Variants in THADA observed in about 807,000 individuals in gnomAD.
THADA encodes the protein THADA armadillo repeat containing, also known as tRNA (32-2'-O)-methyltransferase regulator THADA.
A neutral mutation model predicts 219.8 loss-of-function variants in THADA; 213 were observed. The ratio of observed to expected loss-of-function variants is 0.97; its 90% CI spans 0.87 to 1.09. THADA has a LOEUF of 1.09. THADA is among the 50% of genes least tolerant of loss of function. The pLI, the probability that THADA is intolerant of heterozygous loss-of-function variation, is 0.00. For missense variants in THADA, 2,956 were observed against 2,311.3 expected, an observed-to-expected ratio of 1.28 and a Z score of -5.72; for synonymous variants, 1,018 against 828.9, an observed-to-expected ratio of 1.23 and a Z score of -3.92.
chr2:43,593,507 A>G (rs1238995660), intron 1 of THADA, among the ~76,000 whole-genome samples: 1 of 152,262 alleles, frequency 6.6e-6, no homozygotes, highest in Non-Finnish European at 1.5e-5. Context: ...CACCTCCTTC[A>G]GAGAACAGCT....
chr2:43,559,753 G>T (rs1000565670), intron 16 of THADA, among the ~76,000 whole-genome samples: 2 of 152,152 alleles, frequency 1.3e-5, no homozygotes, highest in Non-Finnish European at 2.9e-5. Flanking sequence ...TCAAGTACTC[G>T]GTAAGTTTCA....
At chr2:43,559,346 C>T (rs1697782293) in intron 16 of THADA, among the ~76,000 whole-genome samples, 2 of 152,096 alleles carry the variant, frequency 1.3e-5, no homozygotes, top group South Asian at 4.1e-4. Flanking sequence ...TCTACATAGC[C>T]ATCTAGAAGC....
chr2:43,237,590 G>A (rs547711696), intron 36 of THADA, among the ~76,000 whole-genome samples: 13 of 151,340 alleles, frequency 8.6e-5, no homozygotes, highest in African/African-American at 2.9e-4. Flanking sequence ...TAGTAGAGAC[G>A]GGGTTTCACC....
chr2:43,296,907 C>T (rs968931604), intron 31 of THADA, among the ~76,000 whole-genome samples: 2 of 150,654 alleles, frequency 1.3e-5, no homozygotes, highest in African/African-American at 4.9e-5. Flanking sequence ...AAGGAGCAGC[C>T]GCCTGCCTTG....
chr2:43,592,619 G>T (rs1263103268), intron 1 of THADA, among the ~76,000 whole-genome samples: 1 of 152,166 alleles, frequency 6.6e-6, no homozygotes, highest in South Asian at 2.1e-4. Context: ...ACACTGTGAA[G>T]TGTCCCCTGG....
At chr2:43,587,739 A>T (rs1390691138) in intron 4 of THADA, among the ~76,000 whole-genome samples, 2 of 152,022 alleles carry the variant, frequency 1.3e-5, no homozygotes, top group East Asian at 3.9e-4. Context: ...AATGTTACTT[A>T]TTTATTTTGT....
chr2:43,303,208 C>A lies in THADA; in HGVS notation c.4439-9995G>T, dbSNP rs1036094690. Among the ~76,000 whole-genome samples the A allele has an allele frequency of 1.4e-4, 22 of 152,154 alleles. 1 individual carries two copies. Among genetic ancestry groups the A allele is most frequent in the African/African-American group, 4.6e-4 (19 of 41,458 alleles). On this transcript the variant is annotated intron_variant, in intron 31 of 37. Transcript: ENST00000405975. ...TTTTGCATAAAGGAGTATGGTGGCC[C>A]ATTCACACAATTCCTTTGGTAATAT...
At chr2:43,508,215 G>A (rs999434950) in intron 23 of THADA, among the ~76,000 whole-genome samples, 2 of 151,998 alleles carry the variant, frequency 1.3e-5, no homozygotes, top group African/African-American at 2.4e-5. Flanking sequence ...TTTTATGGAT[G>A]GACGTTTTAT....
In THADA at chr2:43,581,834, C is replaced by A. The variant is rs997144677; in HGVS notation, c.628G>T (p.Asp210Tyr). The A allele has an allele frequency of 3.0e-5, 48 of 1,612,898 alleles. No individual in the cohort carries two copies. The highest frequency in any genetic ancestry group is 3.9e-5 in the Non-Finnish European group (46 of 1,179,700). Residue 210 changes from aspartate (D) to tyrosine (Y), a missense_variant, in exon 8 of 38, where the codon GAT becomes TAT. By Grantham distance (160) the Asp-to-Tyr change is radical. Transcript: ENST00000405975. ...GTCTTCCAAAGATTTCCCTGGAAAT[C>A]TTGTACTTTCTGTACTAACATCATT... is the stretch of plus-strand genomic sequence containing the variant. ...VSMMLVQKVQ[D>Y]FQGNLWKTSD...
chr2:43,395,815 G>A (rs1673963938), intron 29 of THADA, among the ~76,000 whole-genome samples: 1 of 152,202 alleles, frequency 6.6e-6, no homozygotes, highest in South Asian at 2.1e-4. Context: ...GCAGTGGCAT[G>A]ATCTTGGCTC....
intron 28 of THADA, among the ~76,000 whole-genome samples, chr2:43,427,226 G>A (rs1017322002): frequency 1.3e-5 from 2 of 152,024 alleles, no homozygotes; most frequent in Admixed American, 1.3e-4. Context: ...ACATCCTCTC[G>A]AACCCGTGGA....
At chr2:43,247,713 G>A (rs1006432110) in intron 36 of THADA, among the ~76,000 whole-genome samples, 7 of 112,458 alleles carry the variant, frequency 6.2e-5, no homozygotes, top group Admixed American at 2.5e-4. Flanking sequence ...TGGCGACAGA[G>A]CAAGACTCCG....
chr2:43,435,822 G>C (rs1172159652), intron 26 of THADA, among the ~76,000 whole-genome samples: 1 of 148,982 alleles, frequency 6.7e-6, no homozygotes, highest in Non-Finnish European at 1.5e-5. Flanking sequence ...AAAAAGAAAT[G>C]CATGAGGGTT....
intron 4 of THADA, among the ~76,000 whole-genome samples, chr2:43,588,567 TA>T (rs780230400): frequency 6.6e-6 from 1 of 152,066 alleles, no homozygotes; most frequent in Non-Finnish European, 1.5e-5. Flanking sequence ...GAATATGTAA[TA>T]AAAAAAGTCA....
At chr2:43,254,120 C>T (rs1259476174) in intron 36 of THADA, among the ~76,000 whole-genome samples, 1 of 151,898 alleles carries the variant, frequency 6.6e-6, no homozygotes, top group African/African-American at 2.4e-5. Context: ...GATGCCCTCA[C>T]TGGCATCTGG....
chr2:43,418,017 T>C (rs1677213646), intron 28 of THADA, among the ~76,000 whole-genome samples: 1 of 152,094 alleles, frequency 6.6e-6, no homozygotes, highest in Admixed American at 6.6e-5. Flanking sequence ...ATGGAAAAAA[T>C]AGGAGCAAAG....
At chr2:43,410,566 C>T (rs992203508) in intron 28 of THADA, among the ~76,000 whole-genome samples, 2 of 152,158 alleles carry the variant, frequency 1.3e-5, no homozygotes, top group Non-Finnish European at 2.9e-5. Flanking sequence ...AAGAAACAAG[C>T]TACGGATATA....
chr2:43,375,606 A>C (rs1671281462), intron 29 of THADA, among the ~76,000 whole-genome samples: 1 of 152,228 alleles, frequency 6.6e-6, no homozygotes, highest in African/African-American at 2.4e-5. Flanking sequence ...GCTAGCATGC[A>C]CTTCAAAATA....
chr2:43,249,705 G>T (rs763441275), intron 36 of THADA, among the ~76,000 whole-genome samples: 18 of 152,128 alleles, frequency 1.2e-4, no homozygotes, highest in African/African-American at 4.3e-4. Flanking sequence ...ATTCTGGGTG[G>T]CTGAGTCCCT....
Sources: gnomAD v4.1 joint callset for allele counts (sites outside exome capture counted in the v4.1 genomes callset) on GRCh38, gnomAD v4.1.1 for gene constraint, MANE v1.5 for transcripts, NCBI Gene and HGNC (gene_info 2026-07-23, HGNC 2026-07-21) for gene names.